Variants in CBLN2 observed in about 807,000 individuals in gnomAD.
CBLN2 encodes the protein cerebellin-2.
In CBLN2, 7 loss-of-function variants were observed where a neutral mutation model predicts 15.0. The observed-to-expected ratio is 0.47, with a 90% CI of 0.27 to 0.88. The LOEUF (loss-of-function observed/expected upper bound fraction) is 0.88, where lower values mean the gene tolerates loss of function less well. Among genes scored for constraint, CBLN2 ranks in the 40% least tolerant of loss-of-function variants. The pLI is 0.14. For missense variants in CBLN2, 242 were observed against 304.5 expected (o/e 0.79, Z 1.53); for synonymous variants, 149 against 135.2 (o/e 1.10, Z -0.71).
intron 1 of CBLN2, among the ~76,000 whole-genome samples, chr18:72,578,950 G>A (rs1191418012): frequency 4.6e-5 from 7 of 152,030 alleles, no homozygotes; most frequent in Non-Finnish European, 7.4e-5. Context: ...TATCCATGTC[G>A]CTCTCTGTGT....
At chr18:72,619,868 C>T (rs980732573) in intron 1 of CBLN2, among the ~76,000 whole-genome samples, 12 of 152,208 alleles carry the variant, frequency 7.9e-5, no homozygotes, top group Admixed American at 6.5e-4. Flanking sequence ...CTTGTTTTCT[C>T]AGTCCACCCA....
At chr18:72,618,716 TA>T in intron 1 of CBLN2, 1 of 720,160 alleles carries the variant, frequency 1.4e-6, no homozygotes, top group East Asian at 2.8e-5. Context: ...TTTGCCTTCA[TA>T]ATCTTTGATG....
Position 72,537,718 on chromosome 18 carries a change from A to T in CBLN2, c.*458T>A, listed in dbSNP as rs1288792622. ...TTCTTTTTCTTAAGGCTATACAGAC[A>T]CACACAGAACACATGTCAAGGACTG... On this transcript the variant is annotated 3_prime_UTR_variant, in exon 5 of 5. Transcript: ENST00000269503. 1.0e-5 allele frequency: 2 copies of T among 191,398 alleles called. No homozygotes were observed. Among genetic ancestry groups the T allele is most frequent in the African/African-American group, 2.4e-5 (1 of 42,264 alleles). The allele number at this position is 191,398 out of a possible 1,614,324, so 11.9% of individuals were successfully genotyped here.
intron 1 of CBLN2, among the ~76,000 whole-genome samples, chr18:72,558,952 G>T (rs1338893597): frequency 1.3e-5 from 2 of 152,174 alleles, no homozygotes; most frequent in Non-Finnish European, 2.9e-5. Context: ...CTACTCTGGA[G>T]TCGGGGTGGG....
chr18:72,622,190 G>A (rs1568134604), intron 1 of CBLN2, among the ~76,000 whole-genome samples: 1 of 152,096 alleles, frequency 6.6e-6, no homozygotes, highest in Non-Finnish European at 1.5e-5. Flanking sequence ...CCTCTTGAAT[G>A]TTCTTATTTT....
At chr18:72,571,652 C>T (rs965350221) in intron 1 of CBLN2, among the ~76,000 whole-genome samples, 2 of 152,076 alleles carry the variant, frequency 1.3e-5, no homozygotes, top group African/African-American at 2.4e-5. Context: ...CACCACTGTC[C>T]GTGGCGATTC....
rs143462184 is a variant in CBLN2, at chr18:72,555,221, G to C, written c.16-16449C>G. On this transcript the variant is annotated intron_variant, in intron 1 of 2. Coordinates refer to the CBLN2 transcript ENST00000581073. ...AAGGCACAATGCCGTGTTTAAAATA[G>C]GGACAGGGCTTCACTCTAAAGGTGC... 2.2e-3 allele frequency among the ~76,000 whole-genome samples: 331 copies of C among 152,210 alleles called. 3 individuals carry two copies. Among genetic ancestry groups the C allele is most frequent in the African/African-American group, 7.8e-3 (323 of 41,540 alleles).
rs926143917 is a variant in CBLN2 at position 72,591,661 on chromosome 18, C to A, written c.15+46664G>T. Among the ~76,000 whole-genome samples, 8 of 152,118 alleles carry A rather than the reference C, an allele frequency of 5.3e-5. 1 individual carries two copies. The highest frequency in any genetic ancestry group is 1.0e-4 in the Non-Finnish European group (7 of 67,998). ...CCCATGTCCCCACTACCCTTCCCAG[C>A]CTTTGGTAACCATCATTCTACTCTC... On this transcript the variant is annotated intron_variant, in intron 1 of 2. Coordinates refer to the CBLN2 transcript ENST00000581073.
At chr18:72,570,280 T>C (rs923297688) in intron 1 of CBLN2, among the ~76,000 whole-genome samples, 2 of 121,336 alleles carry the variant, frequency 1.6e-5, no homozygotes, top group Non-Finnish European at 3.2e-5. Context: ...CCTTTCTTTC[T>C]GGTTTTTTTT....
At chr18:72,555,417 T>G (rs1361486441) in intron 1 of CBLN2, among the ~76,000 whole-genome samples, 1 of 151,186 alleles carries the variant, frequency 6.6e-6, no homozygotes, top group Non-Finnish European at 1.5e-5. Flanking sequence ...AAATTCACGG[T>G]GAATATGTGT....
At chr18:72,542,368 A>AGCCACC (rs1202995063) in intron 2 of CBLN2, 42 bp from the exon 3 acceptor site, 2 of 266,320 alleles carry the variant, frequency 7.5e-6, no homozygotes, top group Non-Finnish European at 1.4e-5. Context: ...CGGGAGGTGG[A>AGCCACC]GCCACCGGGA....
At chr18:72,558,503 G>A (rs2069240525) in intron 1 of CBLN2, among the ~76,000 whole-genome samples, 1 of 152,080 alleles carries the variant, frequency 6.6e-6, no homozygotes, top group African/African-American at 2.4e-5. Flanking sequence ...TTGAACCTGA[G>A]GGTTATCTTG....
intron 1 of CBLN2, among the ~76,000 whole-genome samples, chr18:72,597,288 C>A (rs569670794): frequency 2.6e-5 from 4 of 152,288 alleles, no homozygotes; most frequent in South Asian, 4.1e-4. Context: ...GCTTTTGCAG[C>A]CTTGCAGAGA....
chr18:72,631,083 T>C (rs2069773197), intron 1 of CBLN2: 1 of 152,208 alleles, frequency 6.6e-6, no homozygotes, highest in African/African-American at 2.4e-5. Flanking sequence ...GTGGAGGACC[T>C]CAGCGACACA....
intron 1 of CBLN2, among the ~76,000 whole-genome samples, chr18:72,551,014 T>G (rs1309391665): frequency 1.3e-5 from 2 of 152,126 alleles, no homozygotes; most frequent in Admixed American, 1.3e-4. Context: ...GAGTAACACA[T>G]ATACATGTCT....
intron 1 of CBLN2, among the ~76,000 whole-genome samples, chr18:72,625,804 CTCTCTCTCTCTCTCTATATA>C (rs1486548607): frequency 3.5e-5 from 2 of 56,362 alleles, no homozygotes; most frequent in African/African-American, 9.8e-5. Context: ...CTCTCTCTCT[CTCTCTCTCTCTCTCTATATA>C]TATATATATA....
At position 72,543,861 on chromosome 18, in the gene CBLN2, C is replaced by T. The variant is rs576399679; in HGVS notation, c.-212+116G>A. On this transcript the variant is annotated intron_variant, in intron 1 of 4. Transcript: ENST00000269503. The surrounding 1 kb of genome is among the most constrained non-coding windows in gnomAD (Gnocchi z 6.8). Reference sequence around the variant, plus strand: ...GCGGCTCCCTCGCGGGTCCCCTCGGCCCCGCAGCCCCGCCAGTCTCCAGAG... The same window carrying T: ...GCGGCTCCCTCGCGGGTCCCCTCGGTCCCGCAGCCCCGCCAGTCTCCAGAG... The T allele has an allele frequency of 3.9e-5, 6 of 154,820 alleles. No individual in the cohort carries two copies. Among genetic ancestry groups the T allele is most frequent in the African/African-American group, 9.6e-5 (4 of 41,672 alleles). 9.6% of individuals were successfully genotyped at this position (154,820 alleles called of 1,614,324 possible). A position where few individuals can be genotyped will look rare whatever the true frequency, so the allele number is the denominator to read the frequency against.
rs72634458 is a variant in CBLN2, at chr18:72,628,244, A to G, written c.15+10081T>C. On this transcript the variant is annotated intron_variant, in intron 1 of 2. Coordinates refer to the CBLN2 transcript ENST00000581073. The stretch of plus-strand genomic sequence containing the variant: ...CATTTTGCATTGGAACTTGCAAATT[A>G]TGGAGCCAGTTCTGACATTAAATAG... Among the ~76,000 whole-genome samples, 5,212 of 152,304 alleles carry G rather than the reference A, an allele frequency of 0.034. 593 individuals carry two copies. The East Asian group carries it at 0.45, about 13-fold the overall frequency.
intron 1 of CBLN2, among the ~76,000 whole-genome samples, chr18:72,566,855 C>T (rs1217612770): frequency 1.3e-5 from 2 of 152,018 alleles, no homozygotes; most frequent in African/African-American, 4.8e-5. Flanking sequence ...TTAATGGAGA[C>T]AGAGTCTCGC....
Sources: gnomAD v4.1 joint callset for allele counts (sites outside exome capture counted in the v4.1 genomes callset) on GRCh38, gnomAD v4.1.1 for gene constraint, Gnocchi (gnomAD v3.1) non-coding constraint, MANE v1.5 for transcripts, NCBI Gene and HGNC (gene_info 2026-07-23, HGNC 2026-07-21) for gene names.